Variants in SLC39A10 observed in about 807,000 individuals in gnomAD.
SLC39A10 encodes the protein solute carrier family 39 member 10, also known as zinc transporter ZIP10.
SLC39A10 carries 13 observed loss-of-function variants against 65.1 expected under a neutral mutation model. The observed-to-expected ratio is 0.20, with a 90% confidence interval of 0.13 to 0.32. The LOEUF (loss-of-function observed/expected upper bound fraction) is 0.32. SLC39A10 is among the 10% of genes least tolerant of loss of function. SLC39A10 has a pLI of 1.00. For synonymous variants in SLC39A10, 321 were observed against 342.2 expected (o/e 0.94, Z 0.68); for missense variants, 831 against 1,018.4 (o/e 0.82, Z 2.50).
chr2:195,716,063 C>T (rs1469081244), intron 6 of SLC39A10, among the ~76,000 whole-genome samples: 1 of 152,158 alleles, frequency 6.6e-6, no homozygotes, highest in Non-Finnish European at 1.5e-5. Context: ...GAAATAATGC[C>T]TGTACATTTC....
chr2:195,671,365 T>C (rs533223819), intron 1 of SLC39A10, among the ~76,000 whole-genome samples: 6 of 152,196 alleles, frequency 3.9e-5, no homozygotes, highest in Non-Finnish European at 8.8e-5. Context: ...GTTGTGGCAC[T>C]GCTAGTTATT....
rs758693627 is a variant in SLC39A10, at chr2:195,680,118, C to G, written c.76C>G (p.His26Asp). ...TFIFHHCNHC[H>D]EEHDHGPEAL... ...TATTTTTCATCATTGCAACCATTGC[C>G]ATGAAGAACATGACCATGGCCCTGA... The change falls in exon 2 of 10, where the codon CAT (histidine) becomes GAT (aspartate). Residue 26 changes from histidine to aspartate, a missense_variant. Transcript: ENST00000359634. 2.5e-6 allele frequency: 4 copies of G among 1,612,936 alleles called. No homozygotes were observed. The highest frequency in any genetic ancestry group is 3.4e-6 in the Non-Finnish European group (4 of 1,179,822).
At chr2:195,729,961 A>T (rs377430686) in intron 9 of SLC39A10, among the ~76,000 whole-genome samples, 13 of 92,138 alleles carry the variant, frequency 1.4e-4, no homozygotes, top group South Asian at 8.3e-4. Flanking sequence ...ACCATGCCTA[A>T]TTTTTTTTTT....
chr2:195,723,588 G>A (rs1208268124), intron 8 of SLC39A10, among the ~76,000 whole-genome samples: 1 of 152,154 alleles, frequency 6.6e-6, no homozygotes, highest in Admixed American at 6.6e-5. Flanking sequence ...CTCCCACAGA[G>A]AGGCTTTTGA....
intron 1 of SLC39A10, among the ~76,000 whole-genome samples, chr2:195,667,149 A>G (rs1689666249): frequency 6.6e-6 from 1 of 152,264 alleles, no homozygotes; most frequent in South Asian, 2.1e-4. Context: ...CTTAATTAGC[A>G]TGCACTTAAC....
intron 3 of SLC39A10, among the ~76,000 whole-genome samples, chr2:195,699,876 T>TC (rs2105800467): frequency 6.6e-6 from 1 of 152,290 alleles, no homozygotes; most frequent in East Asian, 1.9e-4. Context: ...TACTGAGGTC[T>TC]CCAACTATTA....
At chr2:195,634,642 T>C (rs1292918949) in intron 2 of SLC39A10, among the ~76,000 whole-genome samples, 3 of 152,226 alleles carry the variant, frequency 2.0e-5, no homozygotes, top group Non-Finnish European at 1.5e-5. Context: ...TGCTTTCAAC[T>C]GTAAGGAACA....
At chr2:195,701,353 T>C (rs1691177580) in intron 3 of SLC39A10, among the ~76,000 whole-genome samples, 1 of 137,360 alleles carries the variant, frequency 7.3e-6, no homozygotes, top group Admixed American at 7.2e-5. Flanking sequence ...TTTTTTTTTT[T>C]AGCATCCTTC....
intron 3 of SLC39A10, among the ~76,000 whole-genome samples, chr2:195,702,383 A>G (rs1442074853): frequency 2.6e-5 from 4 of 152,208 alleles, no homozygotes; most frequent in African/African-American, 9.6e-5. Context: ...AGGATGGCAG[A>G]TGGGTAGCTG....
At chr2:195,655,255 A>G (rs1689122166), upstream of SLC39A10, among the ~76,000 whole-genome samples, 1 of 152,144 alleles carries the variant, frequency 6.6e-6, no homozygotes, top group African/African-American at 2.4e-5. Flanking sequence ...TCAGAGTTGC[A>G]GCTGTTAACC....
intron 3 of SLC39A10, among the ~76,000 whole-genome samples, chr2:195,690,775 A>C (rs776347345): frequency 4.6e-5 from 7 of 152,140 alleles, no homozygotes; most frequent in Admixed American, 3.3e-4. Flanking sequence ...AATCTCCCTT[A>C]TCAGATATAT....
At position 195,702,323 on chromosome 2, in the gene SLC39A10, C is replaced by T. The variant is rs780828897; in HGVS notation, c.1217-4293C>T. On this transcript the variant is annotated intron_variant, in intron 3 of 9. Transcript: ENST00000359634. ...ACTCTAGCTCCTGTAATTGTAGGGT[C>T]CTGTAGATTGAATTCAGGACACCAG... Among the ~76,000 whole-genome samples, 496 of 152,222 alleles carry T rather than the reference C, an allele frequency of 3.3e-3. 11 individuals carry two copies. Among genetic ancestry groups the T allele is most frequent in the Non-Finnish European group, 2.1e-3 (146 of 68,010 alleles).
chr2:195,658,874 A>G (rs927262751), intron 1 of SLC39A10, among the ~76,000 whole-genome samples: 2 of 152,206 alleles, frequency 1.3e-5, no homozygotes, highest in African/African-American at 4.8e-5. Flanking sequence ...ATGGATTTTT[A>G]ACTTTTTTAT....
intron 3 of SLC39A10, among the ~76,000 whole-genome samples, chr2:195,702,745 T>G (rs900795169): frequency 8.5e-5 from 13 of 152,226 alleles, no homozygotes; most frequent in Non-Finnish European, 1.9e-4. Context: ...TCTTCTCTTG[T>G]CTACAGCTGA....
chr2:195,651,750 C>T (rs539266596), upstream of SLC39A10, among the ~76,000 whole-genome samples: 47 of 152,336 alleles, frequency 3.1e-4, no homozygotes, highest in African/African-American at 1.1e-3. Flanking sequence ...GCTGGGATTA[C>T]AGGTGTGAGC....
intron 3 of SLC39A10, among the ~76,000 whole-genome samples, chr2:195,694,362 C>G (rs2105791672): frequency 6.6e-6 from 1 of 152,290 alleles, no homozygotes. Context: ...TGCTGACTTT[C>G]TGTCTTGATG....
intron 1 of SLC39A10, among the ~76,000 whole-genome samples, chr2:195,672,816 T>C (rs1403505916): frequency 6.6e-6 from 1 of 152,190 alleles, no homozygotes; most frequent in Non-Finnish European, 1.5e-5. Context: ...AGAAACCTCA[T>C]GGTATTTACA....
intron 1 of SLC39A10, among the ~76,000 whole-genome samples, chr2:195,668,664 TACTC>T (rs763833219): frequency 2.6e-5 from 4 of 152,254 alleles, no homozygotes; most frequent in Non-Finnish European, 5.9e-5. Context: ...TTTAAAAAAA[TACTC>T]CCTAGAGTAA....
chr2:195,705,429 TTAACA>T (rs1437167047), intron 3 of SLC39A10, among the ~76,000 whole-genome samples: 1 of 152,194 alleles, frequency 6.6e-6, no homozygotes, highest in Non-Finnish European at 1.5e-5. Flanking sequence ...GGCTATAGTG[TTAACA>T]TTACTGGATA....
Sources: allele counts gnomAD v4.1 joint callset (sites outside exome capture counted in the v4.1 genomes callset), GRCh38; gene constraint gnomAD v4.1.1; transcripts MANE v1.5; gene names NCBI Gene and HGNC (gene_info 2026-07-23, HGNC 2026-07-21).